The following IMPG2 variants were observed in gnomAD, a reference collection of about 807,000 sequenced individuals.
IMPG2 encodes the protein IPM 200.
A neutral mutation model predicts 129.2 loss-of-function variants in IMPG2; 91 were observed. The ratio of observed to expected loss-of-function variants is 0.70; its 90% confidence interval spans 0.59 to 0.84. IMPG2 has a LOEUF of 0.84. Ranked by LOEUF, IMPG2 falls within the 40% of genes least tolerant of loss-of-function variation. IMPG2 has a pLI of 0.00. For synonymous variants in IMPG2, 510 were observed against 517.7 expected (o/e 0.99, Z 0.20); for missense variants, 1,430 against 1,461.7 (o/e 0.98, Z 0.35).
chr3:101,265,669 G>A (rs982667601), intron 9 of IMPG2, among the ~76,000 whole-genome samples: 1 of 152,092 alleles, frequency 6.6e-6, no homozygotes, highest in African/African-American at 2.4e-5. Context: ...GACCTCAGAG[G>A]CATGGGCAAC....
intron 2 of IMPG2, 31 bp downstream of exon 2, chr3:101,319,553 A>G: frequency 6.2e-7 from 1 of 1,611,650 alleles, no homozygotes; most frequent in East Asian, 2.2e-5. Flanking sequence ...GAATTTCATT[A>G]TGGAGCTGAA....
chr3:101,277,739 C>T (rs1706852954), intron 4 of IMPG2, among the ~76,000 whole-genome samples: 1 of 152,168 alleles, frequency 6.6e-6, no homozygotes, highest in African/African-American at 2.4e-5. Flanking sequence ...AGCCTCTCCT[C>T]CTAAAGGAAA....
chr3:101,294,158 G>A (rs958285643), intron 3 of IMPG2, among the ~76,000 whole-genome samples: 4 of 152,100 alleles, frequency 2.6e-5, no homozygotes, highest in African/African-American at 9.7e-5. Context: ...ATGTGCCATG[G>A]TGGTTTGCTG....
At chr3:101,252,690 G>A (rs1331815417) in intron 11 of IMPG2, among the ~76,000 whole-genome samples, 2 of 152,138 alleles carry the variant, frequency 1.3e-5, no homozygotes, top group African/African-American at 4.8e-5. Flanking sequence ...TGTCTAATAT[G>A]TAACTCAGTG....
At chr3:101,314,401 A>C (rs1237366394) in intron 2 of IMPG2, among the ~76,000 whole-genome samples, 1 of 152,102 alleles carries the variant, frequency 6.6e-6, no homozygotes, top group African/African-American at 2.4e-5. Flanking sequence ...CATATATATC[A>C]GTCAAGTATG....
intron 3 of IMPG2, among the ~76,000 whole-genome samples, chr3:101,295,890 T>C (rs1707074677): frequency 6.6e-6 from 1 of 152,224 alleles, no homozygotes; most frequent in Non-Finnish European, 1.5e-5. Context: ...ATAGGAATGC[T>C]TGTGTATTTT....
intron 2 of IMPG2, among the ~76,000 whole-genome samples, chr3:101,314,427 C>T (rs867539700): frequency 6.6e-6 from 1 of 152,066 alleles, no homozygotes; most frequent in African/African-American, 2.4e-5. Flanking sequence ...TGGATGGCTT[C>T]ACTCCCTAGG....
chr3:101,269,210 C>CTTCAGGCT (rs35145927), intron 8 of IMPG2, among the ~76,000 whole-genome samples: 2 of 1,816 alleles, frequency 1.1e-3, no homozygotes, highest in African/African-American at 2.0e-3. Flanking sequence ...TCTCGTCTGC[C>CTTCAGGCT]TCCTATCAGT....
chr3:101,295,992 C>T (rs777060914), intron 3 of IMPG2, among the ~76,000 whole-genome samples: 2 of 152,054 alleles, frequency 1.3e-5, no homozygotes, highest in South Asian at 4.1e-4. Context: ...AAACATAGAA[C>T]CATGTTGTCT....
chr3:101,286,394 C>G (rs513994), intron 4 of IMPG2, among the ~76,000 whole-genome samples: 110,219 of 152,016 alleles, frequency 0.73, 40,921 homozygotes, highest in East Asian at 0.84. Flanking sequence ...CCCAGATTTA[C>G]AGTGAAATGG....
chr3:101,239,502 C>T (rs1425910633), intron 14 of IMPG2, among the ~76,000 whole-genome samples: 1 of 152,172 alleles, frequency 6.6e-6, no homozygotes, highest in Non-Finnish European at 1.5e-5. Flanking sequence ...TAAATTAGTT[C>T]AACCATTGTG....
At chr3:101,236,285 C>T (rs1005833290) in intron 14 of IMPG2, among the ~76,000 whole-genome samples, 1 of 152,128 alleles carries the variant, frequency 6.6e-6, no homozygotes, top group African/African-American at 2.4e-5. Flanking sequence ...TTATACTGCA[C>T]AGGGGTGGGG....
At chr3:101,253,235 A>T (rs62282868) in intron 11 of IMPG2, among the ~76,000 whole-genome samples, 121,730 of 151,286 alleles carry the variant, frequency 0.8, 49,012 homozygotes, top group Admixed American at 0.83. Flanking sequence ...CTAGTGGATG[A>T]TATTCTTTCT....
At chr3:101,271,356 G>A (rs1006579228) in intron 7 of IMPG2, among the ~76,000 whole-genome samples, 3 of 152,146 alleles carry the variant, frequency 2.0e-5, no homozygotes, top group Non-Finnish European at 4.4e-5. Flanking sequence ...ACCCATCTTA[G>A]TGTAGGCTTT....
intron 6 of IMPG2, among the ~76,000 whole-genome samples, chr3:101,274,731 G>A (rs1397094262): frequency 6.6e-6 from 1 of 152,128 alleles, no homozygotes; most frequent in Non-Finnish European, 1.5e-5. Context: ...TTCTACAAAT[G>A]TTTCCAGATC....
chr3:101,302,289 T>C (rs1188077617), intron 3 of IMPG2, among the ~76,000 whole-genome samples: 1 of 152,244 alleles, frequency 6.6e-6, no homozygotes, highest in Non-Finnish European at 1.5e-5. Context: ...TCTGTTCTTC[T>C]GGTAATACTA....
chr3:101,236,301 G>C (rs1706345046), intron 14 of IMPG2, among the ~76,000 whole-genome samples: 1 of 152,184 alleles, frequency 6.6e-6, no homozygotes, highest in Non-Finnish European at 1.5e-5. Flanking sequence ...TGGGGCTAAT[G>C]CCAGCTAATT....
chr3:101,260,355 G>A (rs1706656600), intron 9 of IMPG2, among the ~76,000 whole-genome samples: 1 of 152,056 alleles, frequency 6.6e-6, no homozygotes, highest in African/African-American at 2.4e-5. Context: ...AATCCTCTAA[G>A]CAATTAAAGT....
intron 2 of IMPG2, among the ~76,000 whole-genome samples, chr3:101,307,954 A>G (rs1377817264): frequency 2.6e-5 from 4 of 152,160 alleles, no homozygotes; most frequent in African/African-American, 9.7e-5. Context: ...GGGTAAATAC[A>G]CCTGTTGCAA....
Sources: gnomAD v4.1 joint callset for allele counts (sites outside exome capture counted in the v4.1 genomes callset) on GRCh38, gnomAD v4.1.1 for gene constraint, MANE v1.5 for transcripts, NCBI Gene and HGNC (gene_info 2026-07-23, HGNC 2026-07-21) for gene names.